SPATA16: variants seen among roughly 807,000 people sequenced by gnomAD.
SPATA16 encodes spermatogenesis-associated protein 16.
Under a neutral mutation model 63.3 loss-of-function variants are expected in SPATA16, and 36 were observed. The observed-to-expected ratio is 0.57, with a 90% CI of 0.44 to 0.75. The LOEUF (loss-of-function observed/expected upper bound fraction) is 0.75. Among genes scored for constraint, SPATA16 ranks in the 30% least tolerant of loss-of-function variants. SPATA16 has a pLI of 0.00. For missense variants in SPATA16, 646 were observed against 679.3 expected (o/e 0.95, Z 0.54); for synonymous variants, 203 against 216.7 (o/e 0.94, Z 0.56).
At chr3:173,042,312 C>A (rs1325173540) in intron 3 of SPATA16, among the ~76,000 whole-genome samples, 1 of 152,090 alleles carries the variant, frequency 6.6e-6, no homozygotes, top group Admixed American at 6.6e-5. Flanking sequence ...GCCTCTCCCT[C>A]CCGGGTTCAA....
chr3:172,997,502 G>C (rs1734719624), intron 4 of SPATA16, among the ~76,000 whole-genome samples: 1 of 151,778 alleles, frequency 6.6e-6, no homozygotes, highest in Non-Finnish European at 1.5e-5. Flanking sequence ...GTATATTTTG[G>C]ATAACAGTTC....
At chr3:173,028,516 A>G (rs1560101301) in intron 3 of SPATA16, among the ~76,000 whole-genome samples, 1 of 152,012 alleles carries the variant, frequency 6.6e-6, no homozygotes, top group Non-Finnish European at 1.5e-5. Context: ...TTCAGACGGC[A>G]TAAATTTTAC....
intron 10 of SPATA16, among the ~76,000 whole-genome samples, chr3:172,900,999 T>A (rs1268001137): frequency 1.3e-5 from 2 of 152,184 alleles, no homozygotes; most frequent in Non-Finnish European, 2.9e-5. Flanking sequence ...CTCTGTCCCT[T>A]TCATTCTGCT....
intron 6 of SPATA16, among the ~76,000 whole-genome samples, chr3:172,946,067 C>T (rs997121638): frequency 6.6e-6 from 1 of 152,154 alleles, no homozygotes; most frequent in Admixed American, 6.5e-5. Context: ...CAGGATAGGG[C>T]ACTATTCTCT....
At chr3:173,122,371 T>C (rs1339091091) in intron 1 of SPATA16, among the ~76,000 whole-genome samples, 1 of 152,208 alleles carries the variant, frequency 6.6e-6, no homozygotes, top group Non-Finnish European at 1.5e-5. Context: ...GTGGTTTACA[T>C]GGCTATTAGT....
chr3:173,081,334 C>T (rs1045794034), intron 2 of SPATA16, among the ~76,000 whole-genome samples: 14 of 152,078 alleles, frequency 9.2e-5, no homozygotes, highest in African/African-American at 2.7e-4. Flanking sequence ...TGCCAAGTTC[C>T]GGATTATGCA....
chr3:172,933,041 AG>A (rs1732905283), intron 6 of SPATA16, among the ~76,000 whole-genome samples: 1 of 152,192 alleles, frequency 6.6e-6, no homozygotes, highest in South Asian at 2.1e-4. Flanking sequence ...TTGATTCCAA[AG>A]TTTTATGTTT....
chr3:172,946,706 C>T (rs1048929678), intron 6 of SPATA16, among the ~76,000 whole-genome samples: 8 of 152,152 alleles, frequency 5.3e-5, no homozygotes, highest in Non-Finnish European at 7.4e-5. Context: ...CCAAAGGTTC[C>T]CCTCTCCAGG....
chr3:173,102,970 G>A (rs897660001), intron 2 of SPATA16, among the ~76,000 whole-genome samples: 2 of 152,192 alleles, frequency 1.3e-5, no homozygotes, highest in Admixed American at 6.5e-5. Flanking sequence ...ATAAAAGGGA[G>A]AAATCAGCCA....
At chr3:173,058,892 C>A (rs1483547903) in intron 2 of SPATA16, among the ~76,000 whole-genome samples, 1 of 152,074 alleles carries the variant, frequency 6.6e-6, no homozygotes, top group Non-Finnish European at 1.5e-5. Flanking sequence ...CTGAAACATT[C>A]TAAAATAGTT....
chr3:173,016,033 T>A (rs1577133077), intron 4 of SPATA16, among the ~76,000 whole-genome samples: 1 of 152,334 alleles, frequency 6.6e-6, no homozygotes, highest in East Asian at 1.9e-4. Flanking sequence ...CTTCACAAGG[T>A]GGCTTGTTCT....
At chr3:172,900,210 CT>C (rs1480652457) in intron 10 of SPATA16, among the ~76,000 whole-genome samples, 1 of 152,078 alleles carries the variant, frequency 6.6e-6, no homozygotes, top group African/African-American at 2.4e-5. Context: ...GTTGGCAATT[CT>C]TTTCTTTTAG....
At chr3:172,960,756 G>A (rs529105785) in intron 5 of SPATA16, among the ~76,000 whole-genome samples, 3 of 152,248 alleles carry the variant, frequency 2.0e-5, no homozygotes, top group South Asian at 4.2e-4. Flanking sequence ...AAACTCAAGA[G>A]GGCCGATTCT....
Position 172,898,947 on chromosome 3 carries a change from G to A in SPATA16, c.1588-9255C>T, listed in dbSNP as rs568189799. ...CAATATATTCTTACATTTCCTTTGA[G>A]ACTCCTTTTTTGATCCATGAACTAT... On this transcript the variant is annotated intron_variant, in intron 10 of 10. Transcript: ENST00000351008. Among the ~76,000 whole-genome samples the A allele has an allele frequency of 4.6e-5, 7 of 151,354 alleles. No individual in the cohort carries two copies. In the East Asian group the frequency reaches 1.4e-3, roughly 29 times the overall value.
intron 5 of SPATA16, among the ~76,000 whole-genome samples, chr3:172,966,788 C>T (rs1484662439): frequency 6.6e-6 from 1 of 152,136 alleles, no homozygotes. Context: ...AAGCTTTGAG[C>T]TTTACAGATT....
intron 1 of SPATA16, among the ~76,000 whole-genome samples, chr3:173,120,901 T>C (rs1450987841): frequency 1.3e-5 from 2 of 151,182 alleles, no homozygotes; most frequent in African/African-American, 4.9e-5. Flanking sequence ...ATAGAAATCA[T>C]CATTTTGGTC....
At chr3:173,055,842 A>G (rs1203702636) in intron 2 of SPATA16, among the ~76,000 whole-genome samples, 1 of 152,230 alleles carries the variant, frequency 6.6e-6, no homozygotes, top group African/African-American at 2.4e-5. Flanking sequence ...GAAACTGCAT[A>G]AACGGTACAT....
At chr3:172,992,315 G>A (rs1200605702) in intron 4 of SPATA16, among the ~76,000 whole-genome samples, 2 of 152,048 alleles carry the variant, frequency 1.3e-5, no homozygotes, top group Non-Finnish European at 2.9e-5. Context: ...ATTTTGGAAA[G>A]CAATAACAGC....
intron 5 of SPATA16, among the ~76,000 whole-genome samples, chr3:172,961,072 TCC>T (rs1560080360): frequency 6.7e-5 from 8 of 119,242 alleles, no homozygotes; most frequent in African/African-American, 2.9e-4. Flanking sequence ...TCTTCTTTCT[TCC>T]TTCCTTCCTT....
Sources: gnomAD v4.1 joint callset for allele counts (sites outside exome capture counted in the v4.1 genomes callset) on GRCh38, gnomAD v4.1.1 for gene constraint, MANE v1.5 for transcripts, NCBI Gene and HGNC (gene_info 2026-07-23, HGNC 2026-07-21) for gene names.